The following ZNF804B variants were observed in gnomAD, a reference collection of about 807,000 sequenced individuals.
The protein encoded by ZNF804B is zinc finger protein 804B, also known as zinc finger 804B.
Under a neutral mutation model 101.4 loss-of-function variants are expected in ZNF804B, and 80 were observed. That is an observed-to-expected ratio of 0.79 (90% CI 0.66 to 0.95). The LOEUF is 0.95. Among genes scored for constraint, ZNF804B ranks in the 40% least tolerant of loss-of-function variants. The pLI is 0.00. For synonymous variants in ZNF804B, 622 were observed against 558.8 expected (o/e 1.11, Z -1.59); for missense variants, 1,673 against 1,561.9 (o/e 1.07, Z -1.20).
intron 2 of ZNF804B, among the ~76,000 whole-genome samples, chr7:89,293,805 A>C (rs575200159): frequency 2.6e-5 from 4 of 152,192 alleles, no homozygotes; most frequent in Non-Finnish European, 5.9e-5. Context: ...AAAGAAAAAA[A>C]AAAAGAATGC....
intron 1 of ZNF804B, among the ~76,000 whole-genome samples, chr7:88,816,550 AC>A: frequency 6.6e-6 from 1 of 151,568 alleles, no homozygotes; most frequent in South Asian, 2.1e-4. Context: ...AAAACAAACA[AC>A]CCCATCAACA....
chr7:88,857,298 C>T (rs1562813931), intron 1 of ZNF804B, among the ~76,000 whole-genome samples: 1 of 151,910 alleles, frequency 6.6e-6, no homozygotes, highest in Non-Finnish European at 1.5e-5. Context: ...ACAAAAAAAC[C>T]CTCCAAAAAA....
At chr7:89,244,585 T>C (rs1256933603) in intron 2 of ZNF804B, among the ~76,000 whole-genome samples, 1 of 152,122 alleles carries the variant, frequency 6.6e-6, no homozygotes, top group Non-Finnish European at 1.5e-5. Flanking sequence ...TGAAGATGGC[T>C]ATCACTTAAA....
intron 1 of ZNF804B, among the ~76,000 whole-genome samples, chr7:89,210,428 C>G (rs1788784713): frequency 6.6e-6 from 1 of 152,016 alleles, no homozygotes; most frequent in African/African-American, 2.4e-5. Context: ...TTTGCTGCAC[C>G]TATTAACCCA....
At chr7:89,319,501 G>A (rs912533531) in intron 2 of ZNF804B, among the ~76,000 whole-genome samples, 10 of 152,128 alleles carry the variant, frequency 6.6e-5, no homozygotes, top group Non-Finnish European at 8.8e-5. Context: ...GCTGTCTGCC[G>A]CTGGTAGACA....
chr7:88,892,340 G>T (rs945327768), intron 1 of ZNF804B, among the ~76,000 whole-genome samples: 3 of 151,972 alleles, frequency 2.0e-5, no homozygotes, highest in Non-Finnish European at 4.4e-5. Context: ...GTTTATGAAG[G>T]GTTTGTGTCT....
intron 2 of ZNF804B, among the ~76,000 whole-genome samples, chr7:89,252,423 A>G (rs950247475): frequency 5.3e-5 from 8 of 152,174 alleles, no homozygotes; most frequent in Admixed American, 3.9e-4. Flanking sequence ...AAGGGAATGC[A>G]TATACAGTGT....
At chr7:88,918,630 G>A (rs1318466661) in intron 1 of ZNF804B, among the ~76,000 whole-genome samples, 3 of 151,982 alleles carry the variant, frequency 2.0e-5, no homozygotes, top group Non-Finnish European at 4.4e-5. Context: ...GTAAATAATG[G>A]TACAATTTTT....
intron 1 of ZNF804B, among the ~76,000 whole-genome samples, chr7:89,135,490 CATT>C (rs2116385476): frequency 6.6e-6 from 1 of 152,104 alleles, no homozygotes; most frequent in Admixed American, 6.6e-5. Flanking sequence ...TACTTTAAAA[CATT>C]ATAATTGAGT....
rs558249403 is a variant in ZNF804B, at chr7:89,337,633, G to C, written c.*601G>C. Among the ~76,000 whole-genome samples the C allele has an allele frequency of 5.5e-4, 84 of 152,094 alleles. No individual in the cohort carries two copies. The South Asian group carries it at 6.8e-3, about 12-fold the overall frequency. On this transcript the variant is annotated 3_prime_UTR_variant, in exon 4 of 4. Transcript: ENST00000333190. The stretch of plus-strand genomic sequence containing the variant: ...CAATCTTTATAGATTATACTTTTGA[G>C]TTTCTGTGAAAAATAAATTATCTTC...
At chr7:88,925,753 G>A (rs1792787636) in intron 1 of ZNF804B, among the ~76,000 whole-genome samples, 1 of 152,162 alleles carries the variant, frequency 6.6e-6, no homozygotes, top group Admixed American at 6.6e-5. Flanking sequence ...AACACGGAGA[G>A]TAGAAAGGAT....
intron 1 of ZNF804B, among the ~76,000 whole-genome samples, chr7:89,123,622 A>G (rs543688822): frequency 5.9e-5 from 9 of 152,196 alleles, no homozygotes; most frequent in Non-Finnish European, 1.0e-4. Flanking sequence ...AATAATTATG[A>G]TGATAATGAT....
At chr7:89,321,834 T>C (rs115054263) in intron 2 of ZNF804B, among the ~76,000 whole-genome samples, 1 of 152,176 alleles carries the variant, frequency 6.6e-6, no homozygotes, top group East Asian at 1.9e-4. Context: ...AGACACAATC[T>C]GTTTTAAATT....
At chr7:89,199,052 T>G (rs1415788359) in intron 1 of ZNF804B, among the ~76,000 whole-genome samples, 1 of 151,780 alleles carries the variant, frequency 6.6e-6, no homozygotes, top group Non-Finnish European at 1.5e-5. Context: ...TTGCACAGGA[T>G]TTTTTCTTCC....
chr7:88,900,237 A>C (rs1003028279), intron 1 of ZNF804B, among the ~76,000 whole-genome samples: 1 of 151,964 alleles, frequency 6.6e-6, no homozygotes, highest in Non-Finnish European at 1.5e-5. Flanking sequence ...TTCAGTGCAC[A>C]TTTTTCTTTA....
At chr7:89,136,760 T>C (rs1325885980) in intron 1 of ZNF804B, among the ~76,000 whole-genome samples, 2 of 148,278 alleles carry the variant, frequency 1.3e-5, no homozygotes, top group East Asian at 4.0e-4. Context: ...TGTGTGTGTG[T>C]GTGTGCGCGC....
At chr7:89,227,648 C>T (rs1247467365) in intron 2 of ZNF804B, among the ~76,000 whole-genome samples, 1 of 151,982 alleles carries the variant, frequency 6.6e-6, no homozygotes, top group Non-Finnish European at 1.5e-5. Flanking sequence ...AATTAAACAG[C>T]AATTATGAAC....
intron 1 of ZNF804B, among the ~76,000 whole-genome samples, chr7:88,931,424 T>G (rs576818655): frequency 6.6e-6 from 1 of 152,050 alleles, no homozygotes; most frequent in African/African-American, 2.4e-5. Flanking sequence ...AAGTTGCTTA[T>G]AGCATTATTT....
intron 1 of ZNF804B, among the ~76,000 whole-genome samples, chr7:89,203,497 T>C (rs1317453293): frequency 1.3e-5 from 2 of 152,178 alleles, no homozygotes; most frequent in African/African-American, 4.8e-5. Context: ...TTTCTCACTT[T>C]GGCACATTTT....
Sources: gnomAD v4.1 joint callset for allele counts (sites outside exome capture counted in the v4.1 genomes callset) on GRCh38, gnomAD v4.1.1 for gene constraint, MANE v1.5 for transcripts, NCBI Gene and HGNC (gene_info 2026-07-23, HGNC 2026-07-21) for gene names.